SYT9: variants seen among roughly 807,000 people sequenced by gnomAD.
SYT9 encodes synaptotagmin-9.
A neutral mutation model predicts 48.4 loss-of-function variants in SYT9; 22 were observed. The observed-to-expected ratio is 0.45, with a 90% confidence interval of 0.32 to 0.65. SYT9 has a LOEUF of 0.65. Ranked by LOEUF, SYT9 falls within the 30% of genes least tolerant of loss-of-function variation. The pLI, the probability that SYT9 is intolerant of heterozygous loss-of-function variation, is 0.03. For synonymous variants in SYT9, 265 were observed against 245.0 expected, an observed-to-expected ratio of 1.08 and a Z score of -0.76; for missense variants, 577 against 622.0, an observed-to-expected ratio of 0.93 and a Z score of 0.77.
intron 6 of SYT9, chr11:7,457,963 T>C (rs550916040): frequency 1.6e-3 from 249 of 152,324 alleles, no homozygotes; most frequent in African/African-American, 5.7e-3. Context: ...AAGAATTCTG[T>C]TCAAGTAAGA....
At chr11:7,445,415 C>T (rs1847908378) in intron 6 of SYT9, among the ~76,000 whole-genome samples, 1 of 152,146 alleles carries the variant, frequency 6.6e-6, no homozygotes, top group South Asian at 2.1e-4. Context: ...CTCTCTCTGA[C>T]CTTGACTTCC....
chr11:7,293,089 A>C (rs1364682357), intron 1 of SYT9, among the ~76,000 whole-genome samples: 1 of 152,144 alleles, frequency 6.6e-6, no homozygotes, highest in East Asian at 1.9e-4. Flanking sequence ...GTGAAGAGGA[A>C]CTGGTCACGC....
At chr11:7,271,770 G>T (rs999447243) in intron 1 of SYT9, among the ~76,000 whole-genome samples, 1 of 152,092 alleles carries the variant, frequency 6.6e-6, no homozygotes, top group African/African-American at 2.4e-5. Flanking sequence ...TAGAGGTGGG[G>T]TTTCGCCGTG....
chr11:7,287,610 C>A (rs1848620338), intron 1 of SYT9, among the ~76,000 whole-genome samples: 1 of 152,138 alleles, frequency 6.6e-6, no homozygotes, highest in Admixed American at 6.5e-5. Flanking sequence ...TATTCAAAGG[C>A]CACAGTAAAA....
chr11:7,295,150 GT>G (rs1206701001), intron 1 of SYT9, among the ~76,000 whole-genome samples: 2 of 152,142 alleles, frequency 1.3e-5, no homozygotes, highest in Non-Finnish European at 2.9e-5. Flanking sequence ...AAATCTACAA[GT>G]TCTCATTCTG....
At chr11:7,370,365 A>G (rs1850339894) in intron 3 of SYT9, among the ~76,000 whole-genome samples, 2 of 152,096 alleles carry the variant, frequency 1.3e-5, no homozygotes, top group Non-Finnish European at 2.9e-5. Context: ...TTTTGCCCCT[A>G]TTTTGAAGCC....
Position 7,243,884 on chromosome 11 carries a change from C to A in SYT9, c.49+4968C>A, listed in dbSNP as rs182227502. Reference sequence around the variant, plus strand: ...AGAGTGACTGCAGCAGTTGCCCAGACCTGCCCAGGATGAGAGTCGTCAGCC... The same window carrying A: ...AGAGTGACTGCAGCAGTTGCCCAGAACTGCCCAGGATGAGAGTCGTCAGCC... On this transcript the variant is annotated intron_variant and NMD_transcript_variant, in intron 1 of 8. Transcript: ENST00000524820. 1.9e-3 allele frequency among the ~76,000 whole-genome samples: 284 copies of A among 152,274 alleles called. 1 individual carries two copies. Among genetic ancestry groups the A allele is most frequent in the African/African-American group, 6.6e-3 (274 of 41,542 alleles).
intron 1 of SYT9, among the ~76,000 whole-genome samples, chr11:7,270,568 G>A (rs1001148083): frequency 6.6e-6 from 1 of 152,136 alleles, no homozygotes; most frequent in Non-Finnish European, 1.5e-5. Flanking sequence ...TTATAGATGA[G>A]TATCTTGAAC....
At chr11:7,276,076 AC>A (rs1848385188) in intron 1 of SYT9, among the ~76,000 whole-genome samples, 1 of 151,274 alleles carries the variant, frequency 6.6e-6, no homozygotes, top group South Asian at 2.1e-4. Context: ...ACCATCCCCC[AC>A]CCCCAGACTG....
chr11:7,456,453 T>C (rs1008676773), intron 6 of SYT9, among the ~76,000 whole-genome samples: 1 of 152,208 alleles, frequency 6.6e-6, no homozygotes, highest in Non-Finnish European at 1.5e-5. Context: ...TACACCTCCC[T>C]CCAGTGTCTT....
Position 7,319,260 on chromosome 11 carries a change from C to G in SYT9, c.1044+5319C>G, listed in dbSNP as rs1041256754. Among the ~76,000 whole-genome samples, 3 of 115,450 alleles carry G rather than the reference C, an allele frequency of 2.6e-5. No homozygotes were observed. In the Admixed American group the frequency reaches 3.7e-4, roughly 14 times the overall value. The allele number at this position is 115,450 out of a possible 152,430, so 75.7% of individuals were successfully genotyped here. On this transcript the variant is annotated intron_variant, in intron 3 of 6. Transcript: ENST00000318881. The stretch of plus-strand genomic sequence containing the variant: ...CGCCCAGGGCTATTTCTTGAGGTAT[C>G]TGTAGGCTGGCAATAACTTTCAACT...
At chr11:7,271,608 G>T (rs2133887515) in intron 1 of SYT9, among the ~76,000 whole-genome samples, 1 of 152,168 alleles carries the variant, frequency 6.6e-6, no homozygotes, top group East Asian at 1.9e-4. Context: ...ATGGAGTCTT[G>T]CTCTGTCACC....
intron 3 of SYT9, among the ~76,000 whole-genome samples, chr11:7,414,975 G>A (rs760449448): frequency 2.0e-5 from 3 of 152,176 alleles, no homozygotes; most frequent in Admixed American, 6.5e-5. Flanking sequence ...AAATTGAAAC[G>A]AAATGAAATG....
intron 1 of SYT9, among the ~76,000 whole-genome samples, chr11:7,278,220 C>T (rs1352900592): frequency 6.6e-6 from 1 of 152,148 alleles, no homozygotes; most frequent in East Asian, 1.9e-4. Flanking sequence ...TCTTATAAAG[C>T]AATCACTTCC....
chr11:7,240,553 C>T (rs16923769), intron 1 of SYT9, among the ~76,000 whole-genome samples: 10,195 of 152,198 alleles, frequency 0.067, 748 homozygotes, highest in African/African-American at 0.19. Flanking sequence ...CGTCTTCTAG[C>T]ATTCCTAAAA....
chr11:7,397,257 A>G (rs748987233), intron 3 of SYT9, among the ~76,000 whole-genome samples: 6 of 152,162 alleles, frequency 3.9e-5, no homozygotes, highest in Non-Finnish European at 8.8e-5. Context: ...CATTTGTTAA[A>G]AAGAGTATCC....
chr11:7,382,683 C>T (rs1368267007), intron 3 of SYT9, among the ~76,000 whole-genome samples: 2 of 152,176 alleles, frequency 1.3e-5, no homozygotes, highest in Non-Finnish European at 2.9e-5. Flanking sequence ...GAATGCTTTT[C>T]GTTGACCGTA....
intron 3 of SYT9, among the ~76,000 whole-genome samples, chr11:7,414,216 G>A (rs1314068400): frequency 1.3e-5 from 2 of 152,182 alleles, no homozygotes; most frequent in African/African-American, 2.4e-5. Flanking sequence ...TGAAAGAATT[G>A]ATTAGGAAGT....
chr11:7,354,771 C>T (rs1849984505), intron 3 of SYT9, among the ~76,000 whole-genome samples: 1 of 152,100 alleles, frequency 6.6e-6, no homozygotes. Context: ...GAAGTGTCAG[C>T]TTTTGGAGTG....
Sources: gnomAD v4.1 joint callset for allele counts (sites outside exome capture counted in the v4.1 genomes callset) on GRCh38, gnomAD v4.1.1 for gene constraint, MANE v1.5 for transcripts, NCBI Gene and HGNC (gene_info 2026-07-23, HGNC 2026-07-21) for gene names.